The following CEP85L variants were observed in gnomAD, a reference collection of about 807,000 sequenced individuals.
The protein encoded by CEP85L is centrosomal protein 85L, also known as centrosomal protein of 85 kDa-like.
Under a neutral mutation model 100.3 loss-of-function variants are expected in CEP85L, and 60 were observed. The ratio of observed to expected loss-of-function variants is 0.60; its 90% confidence interval spans 0.49 to 0.74. The LOEUF (loss-of-function observed/expected upper bound fraction) is 0.74. CEP85L is among the 30% of genes least tolerant of loss of function. The pLI, the probability that CEP85L is intolerant of heterozygous loss-of-function variation, is 0.00. For synonymous variants in CEP85L, 319 were observed against 322.7 expected (o/e 0.99, Z 0.12); for missense variants, 973 against 936.2 (o/e 1.04, Z -0.51).
intron 3 of CEP85L, among the ~76,000 whole-genome samples, chr6:118,556,185 C>G (rs1332211599): frequency 6.6e-6 from 1 of 152,018 alleles, no homozygotes; most frequent in African/African-American, 2.4e-5. Context: ...ATTGTTGGGT[C>G]GAATGGTAGT....
At chr6:118,646,182 A>T (rs182684740) in intron 1 of CEP85L, among the ~76,000 whole-genome samples, 239 of 152,242 alleles carry the variant, frequency 1.6e-3, no homozygotes, top group Admixed American at 5.4e-3. Context: ...GCGCCATTGC[A>T]CTCCAGCCTG....
intron 2 of CEP85L, among the ~76,000 whole-genome samples, chr6:118,614,865 C>CAGACAGACAGACAGACAGAT (rs781072805): frequency 1.5e-4 from 22 of 149,968 alleles, no homozygotes; most frequent in Middle Eastern, 3.5e-3. Context: ...GACAGACAGA[C>CAGACAGACAGACAGACAGAT]AGATAGATAG....
intron 3 of CEP85L, among the ~76,000 whole-genome samples, chr6:118,551,015 A>G (rs1778511460): frequency 6.6e-6 from 1 of 151,840 alleles, no homozygotes; most frequent in Admixed American, 6.6e-5. Context: ...ACCCCAATCA[A>G]TCAAAGTTTC....
intron 1 of CEP85L, among the ~76,000 whole-genome samples, chr6:118,638,358 T>C (rs1376588125): frequency 6.6e-6 from 1 of 152,088 alleles, no homozygotes; most frequent in Non-Finnish European, 1.5e-5. Context: ...ACAAATGTCA[T>C]GAAAATAACA....
At chr6:118,707,779 C>T (rs535191781) in intron 1 of CEP85L, among the ~76,000 whole-genome samples, 2 of 152,056 alleles carry the variant, frequency 1.3e-5, no homozygotes, top group Non-Finnish European at 1.5e-5. Context: ...AGGCAAAATA[C>T]GTAAAACCTT....
intron 10 of CEP85L, among the ~76,000 whole-genome samples, chr6:118,475,385 G>A (rs1350184813): frequency 1.6e-5 from 2 of 123,788 alleles, no homozygotes; most frequent in African/African-American, 3.1e-5. Context: ...GACGAGTCTC[G>A]CTCTGTCCCC....
intron 2 of CEP85L, chr6:118,574,071 C>T (rs1562275019): frequency 1.3e-5 from 2 of 152,180 alleles, no homozygotes; most frequent in Admixed American, 6.5e-5. Flanking sequence ...TGTACACAGC[C>T]CTTCCTGCTC....
chr6:118,636,281 T>C (rs1219153805), intron 1 of CEP85L, among the ~76,000 whole-genome samples: 8 of 152,234 alleles, frequency 5.3e-5, no homozygotes, highest in Non-Finnish European at 1.0e-4. Flanking sequence ...TTTCTTTATT[T>C]GGAAGAAAAG....
At chr6:118,467,622 T>C (rs938168075) in intron 12 of CEP85L, among the ~76,000 whole-genome samples, 4 of 152,192 alleles carry the variant, frequency 2.6e-5, no homozygotes, top group African/African-American at 9.7e-5. Context: ...AGGATAGCTC[T>C]ACTACTCTAT....
At chr6:118,526,340 C>T (rs1236295177) in intron 3 of CEP85L, among the ~76,000 whole-genome samples, 1 of 152,158 alleles carries the variant, frequency 6.6e-6, no homozygotes, top group Non-Finnish European at 1.5e-5. Flanking sequence ...CCCCATGATC[C>T]AACAAATAAC....
chr6:118,483,718 ACT>A lies in CEP85L; in HGVS notation c.1576_1577del (p.Gln527GlufsTer12). 6.2e-7 allele frequency: 1 copy of A among 1,612,784 alleles called. No individual in the cohort carries two copies. The highest frequency in any genetic ancestry group is 8.5e-7 in the Non-Finnish European group (1 of 1,179,518). On this transcript the variant is annotated frameshift_variant, in exon 7 of 13. Coordinates refer to ENST00000368491, the MANE Select transcript of CEP85L (RefSeq NM_001042475.3). LOFTEE classifies it high-confidence loss of function. ...TATTTCATGTTACCTGTAGACTCTG[ACT>A]CTGTACATCATCTAGAGTTGGAAGA... ...ADLPTLDDVQ[S>X]QSLQLQILEE...
chr6:118,519,430 CTCTGTG>C (rs1242397888), intron 4 of CEP85L, among the ~76,000 whole-genome samples: 11 of 91,144 alleles, frequency 1.2e-4, no homozygotes, highest in African/African-American at 5.2e-4. Context: ...CAGAGCAAAA[CTCTGTG>C]TGTGTGTGTG....
chr6:118,665,701 A>C (rs1425736028), intron 1 of CEP85L, among the ~76,000 whole-genome samples: 1 of 152,140 alleles, frequency 6.6e-6, no homozygotes, highest in Non-Finnish European at 1.5e-5. Context: ...TGCCCAGCTT[A>C]TAATTCAAAT....
At chr6:118,542,706 T>C (rs1777962685) in intron 3 of CEP85L, among the ~76,000 whole-genome samples, 1 of 151,634 alleles carries the variant, frequency 6.6e-6, no homozygotes, top group African/African-American at 2.4e-5. Context: ...TCCAAAAATC[T>C]CTTATATTAT....
At chr6:118,555,155 G>A (rs575111194) in intron 3 of CEP85L, among the ~76,000 whole-genome samples, 3 of 152,312 alleles carry the variant, frequency 2.0e-5, no homozygotes, top group African/African-American at 7.2e-5. Flanking sequence ...TACTCGGCCA[G>A]GTGCAGTGGC....
chr6:118,658,940 A>T (rs1775882336), intron 1 of CEP85L, among the ~76,000 whole-genome samples: 1 of 152,144 alleles, frequency 6.6e-6, no homozygotes, highest in South Asian at 2.1e-4. Flanking sequence ...GTATTTCTTA[A>T]ACAGCCCTAA....
intron 2 of CEP85L, among the ~76,000 whole-genome samples, chr6:118,568,260 T>C (rs558262160): frequency 9.1e-4 from 138 of 152,320 alleles, no homozygotes; most frequent in African/African-American, 3.2e-3. Context: ...ACAGTTCTCA[T>C]ATATGATTTG....
intron 4 of CEP85L, among the ~76,000 whole-genome samples, chr6:118,521,301 G>C (rs1458128247): frequency 6.6e-6 from 1 of 152,004 alleles, no homozygotes; most frequent in African/African-American, 2.4e-5. Context: ...TCCAATTTAA[G>C]TACTATATAT....
chr6:118,706,709 C>A (rs1777603236), intron 1 of CEP85L, among the ~76,000 whole-genome samples: 1 of 152,140 alleles, frequency 6.6e-6, no homozygotes, highest in Non-Finnish European at 1.5e-5. Context: ...GTCATATTTT[C>A]TTTTCTTACA....
Sources: allele counts gnomAD v4.1 joint callset (sites outside exome capture counted in the v4.1 genomes callset), GRCh38; gene constraint gnomAD v4.1.1; transcripts MANE v1.5; gene names NCBI Gene and HGNC (gene_info 2026-07-23, HGNC 2026-07-21).